SEC23B: variants seen among roughly 807,000 people sequenced by gnomAD.
SEC23B encodes SEC23 homolog B, COPII component, also known as protein transport protein Sec23B.
SEC23B carries 77 observed loss-of-function variants against 104.3 expected under a neutral mutation model. The ratio of observed to expected loss-of-function variants is 0.74; its 90% CI spans 0.61 to 0.89. The LOEUF (loss-of-function observed/expected upper bound fraction) is 0.89, where lower values mean the gene tolerates loss of function less well. SEC23B is among the 40% of genes least tolerant of loss of function. The pLI, the probability that SEC23B is intolerant of heterozygous loss-of-function variation, is 0.00. For missense variants in SEC23B, 885 were observed against 949.4 expected (o/e 0.93, Z 0.89); for synonymous variants, 338 against 332.5 (o/e 1.02, Z -0.18).
chr20:18,528,322 T>C (rs927327947), intron 9 of SEC23B, among the ~76,000 whole-genome samples: 7 of 152,194 alleles, frequency 4.6e-5, no homozygotes, highest in Non-Finnish European at 1.0e-4. Context: ...TACACTTTCT[T>C]TAGGTCTTGT....
Position 18,554,957 on chromosome 20 carries a change from TG to T in SEC23B, c.2149-150del. 7 of 87,016 alleles carry T rather than the reference TG, an allele frequency of 8.0e-5. 2 individuals carry two copies. The highest frequency in any genetic ancestry group is 2.1e-4 in the East Asian group (2 of 9,612). 5.4% of individuals were successfully genotyped at this position (87,016 alleles called of 1,614,324 possible). ...CTTAAGCTAAAGAAATAGATTACTG[TG>T]CAGTAAAACAATTCTAATTAGATTA... On this transcript the variant is annotated intron_variant, in intron 18 of 19. Coordinates refer to ENST00000650089, the MANE Select transcript of SEC23B (RefSeq NM_006363.6).
At chr20:18,543,706 G>A (rs1261120711) in intron 14 of SEC23B, among the ~76,000 whole-genome samples, 2 of 152,240 alleles carry the variant, frequency 1.3e-5, no homozygotes, top group African/African-American at 2.4e-5. Context: ...CAAAGGAAGT[G>A]CCCTTCTCCC....
chr20:18,557,796 A>G (rs2060454296), intron 19 of SEC23B, among the ~76,000 whole-genome samples: 1 of 132,286 alleles, frequency 7.6e-6, no homozygotes, highest in African/African-American at 2.9e-5. Flanking sequence ...CTTGTTGCCC[A>G]GGCTGGAGTG....
chr20:18,535,073 C>T lies in SEC23B; in HGVS notation c.1315-580C>T, dbSNP rs7274127. ...CTGACAGAACAGAGTGCACCCTCTC[C>T]GCTCTCCACCTTAGAGCTGCTGTGT... On this transcript the variant is annotated intron_variant, in intron 11 of 19. Transcript: ENST00000650089. 5.4e-3 allele frequency among the ~76,000 whole-genome samples: 818 copies of T among 152,224 alleles called. 7 individuals carry two copies. The highest frequency in any genetic ancestry group is 0.017 in the African/African-American group (714 of 41,522).
chr20:18,544,107 T>G (rs2060312140), intron 14 of SEC23B, among the ~76,000 whole-genome samples: 1 of 152,154 alleles, frequency 6.6e-6, no homozygotes. Flanking sequence ...CCATGTCCAT[T>G]TCACAGCAGG....
chr20:18,542,685 A>T (rs1228795528), intron 13 of SEC23B, among the ~76,000 whole-genome samples: 3 of 152,180 alleles, frequency 2.0e-5, no homozygotes, highest in Admixed American at 2.0e-4. Flanking sequence ...CCCAAGCTGG[A>T]GTACAGTGGC....
rs573898514 is a variant in SEC23B at position 18,511,219 on chromosome 20, A to G, written c.221+163A>G. ...TCTTGTGGTGAGTAGTAAGTGGTGA[A>G]TATTTGTAGAAATCTCCCTGGCCTG... is the stretch of plus-strand genomic sequence containing the variant. On this transcript the variant is annotated intron_variant, in intron 2 of 19. Coordinates refer to ENST00000650089, the MANE Select transcript of SEC23B (RefSeq NM_006363.6). 4.6e-5 allele frequency among the ~76,000 whole-genome samples: 7 copies of G among 152,204 alleles called. No individual in the cohort carries two copies. Among genetic ancestry groups the G allele is most frequent in the Non-Finnish European group, 7.3e-5 (5 of 68,040 alleles).
intron 18 of SEC23B, among the ~76,000 whole-genome samples, chr20:18,554,781 C>G (rs1338098000): frequency 6.9e-6 from 1 of 145,028 alleles, no homozygotes; most frequent in Non-Finnish European, 1.5e-5. Context: ...GAGCTGAGAT[C>G]GTGCCACTGC....
intron 4 of SEC23B, among the ~76,000 whole-genome samples, chr20:18,517,674 G>A (rs548373859): frequency 2.6e-4 from 39 of 152,262 alleles, no homozygotes; most frequent in African/African-American, 7.9e-4. Context: ...TGCTTCTAGC[G>A]GGATTAGGGG....
intron 4 of SEC23B, among the ~76,000 whole-genome samples, chr20:18,518,582 G>GTTTTTTTTTTTTTTTTTTTT (rs57231166): frequency 7.6e-5 from 7 of 92,664 alleles, no homozygotes; most frequent in Admixed American, 1.5e-4. Context: ...CTGGAAGGAG[G>GTTTTTTTTTTTTTTTTTTTT]TTTTTTTTTT....
intron 17 of SEC23B, among the ~76,000 whole-genome samples, chr20:18,551,590 T>C (rs543170012): frequency 6.6e-6 from 1 of 152,144 alleles, no homozygotes; most frequent in South Asian, 2.1e-4. Flanking sequence ...GGCACACACC[T>C]GTAGTCCCAT....
chr20:18,551,710 T>C (rs980287709), intron 17 of SEC23B, among the ~76,000 whole-genome samples: 1 of 144,590 alleles, frequency 6.9e-6, no homozygotes, highest in African/African-American at 2.5e-5. Context: ...TGAAACTCCA[T>C]CTCAAAAAAT....
intron 8 of SEC23B, among the ~76,000 whole-genome samples, chr20:18,527,172 G>A (rs796272663): frequency 7.2e-5 from 11 of 152,314 alleles, no homozygotes; most frequent in African/African-American, 2.6e-4. Flanking sequence ...AGCTGAGATC[G>A]TGCCACTGCA....
intron 3 of SEC23B, among the ~76,000 whole-genome samples, chr20:18,513,539 C>T (rs1046064460): frequency 1.3e-5 from 2 of 152,182 alleles, no homozygotes; most frequent in Non-Finnish European, 2.9e-5. Flanking sequence ...ACTGTTCTAA[C>T]AGATCTTAAG....
chr20:18,525,611 A>C (rs1568606136), intron 6 of SEC23B, among the ~76,000 whole-genome samples, 177 bp from the exon 7 acceptor site: 1 of 150,278 alleles, frequency 6.7e-6, no homozygotes, highest in East Asian at 1.9e-4. Flanking sequence ...TATATTCCTC[A>C]ATAAAACTGC....
intron 5 of SEC23B, 54 bp downstream of exon 5, chr20:18,524,723 C>T (rs750650909): frequency 2.8e-5 from 40 of 1,447,980 alleles, no homozygotes; most frequent in Non-Finnish European, 3.7e-5. Flanking sequence ...TTAAAAGAGA[C>T]TGGGGTCTCT....
Position 18,554,956 on chromosome 20 carries a change from GTGCAGTAAAACAATTCTAATTAGATT to G in SEC23B, c.2149-151_2149-126del. 2.1e-4 allele frequency: 19 copies of G among 90,332 alleles called. 1 individual carries two copies. Among genetic ancestry groups the G allele is most frequent in the Non-Finnish European group, 4.2e-4 (14 of 33,060 alleles). 5.6% of individuals were successfully genotyped at this position (90,332 alleles called of 1,614,324 possible). Reference sequence around the variant, plus strand: ...GCTTAAGCTAAAGAAATAGATTACTGTGCAGTAAAACAATTCTAATTAGATTACTGTGCAGTAAAACAATTCTAATT... The same window carrying G: ...GCTTAAGCTAAAGAAATAGATTACTGACTGTGCAGTAAAACAATTCTAATT... On this transcript the variant is annotated intron_variant, in intron 18 of 19. Transcript: ENST00000650089.
At chr20:18,534,279 AAAT>A (rs1216796470) in intron 11 of SEC23B, among the ~76,000 whole-genome samples, 1 of 152,194 alleles carries the variant, frequency 6.6e-6, no homozygotes, top group African/African-American at 2.4e-5. Context: ...AAACTTAAGA[AAAT>A]AATAATTTCC....
intron 19 of SEC23B, among the ~76,000 whole-genome samples, chr20:18,558,607 A>G (rs2060463456): frequency 6.6e-6 from 1 of 151,840 alleles, no homozygotes; most frequent in Admixed American, 6.6e-5. Flanking sequence ...TCTTTTGTTC[A>G]TTTGGGTAAC....
Sources: gnomAD v4.1 joint callset for allele counts (sites outside exome capture counted in the v4.1 genomes callset) on GRCh38, gnomAD v4.1.1 for gene constraint, MANE v1.5 for transcripts, NCBI Gene and HGNC (gene_info 2026-07-23, HGNC 2026-07-21) for gene names.